The following SYNJ2BP variants were observed in gnomAD, a reference collection of about 807,000 sequenced individuals.
SYNJ2BP encodes synaptojanin-2-binding protein.
In SYNJ2BP, 10 loss-of-function variants were observed where a neutral mutation model predicts 16.9. The ratio of observed to expected loss-of-function variants is 0.59; its 90% confidence interval spans 0.36 to 1.00. SYNJ2BP has a LOEUF of 1.00. Among genes scored for constraint, SYNJ2BP ranks in the 50% least tolerant of loss-of-function variants. SYNJ2BP has a pLI of 0.01. For synonymous variants in SYNJ2BP, 54 were observed against 68.4 expected (o/e 0.79, Z 1.04); for missense variants, 162 against 186.7 (o/e 0.87, Z 0.77).
intron 1 of SYNJ2BP, among the ~76,000 whole-genome samples, chr14:70,398,597 G>A (rs1036930996): frequency 1.3e-5 from 2 of 152,196 alleles, no homozygotes; most frequent in African/African-American, 4.8e-5. Context: ...AGCAGGCACT[G>A]GGAGCAGGGA....
At chr14:70,402,505 T>G (rs906983881) in intron 1 of SYNJ2BP, among the ~76,000 whole-genome samples, 1 of 152,082 alleles carries the variant, frequency 6.6e-6, no homozygotes, top group Non-Finnish European at 1.5e-5. Context: ...TGCACTGCCC[T>G]GCAAATCTGC....
rs571539815 is a variant in SYNJ2BP, at chr14:70,371,565, C to A, written c.*1426G>T. 1.3e-5 allele frequency: 2 copies of A among 152,238 alleles called. No homozygotes were observed. Among genetic ancestry groups the A allele is most frequent in the Non-Finnish European group, 2.9e-5 (2 of 68,104 alleles). The allele number at this position is 152,238 out of a possible 1,614,324, so 9.4% of individuals were successfully genotyped here. The stretch of plus-strand genomic sequence containing the variant: ...TCCTGAGTAGCTGGAATTACAGGAA[C>A]GCGCCACCATGTCCAGGTAATTTTT... On this transcript the variant is annotated 3_prime_UTR_variant, in exon 4 of 4. Coordinates refer to ENST00000256366, the MANE Select transcript of SYNJ2BP (RefSeq NM_018373.3).
intron 1 of SYNJ2BP, among the ~76,000 whole-genome samples, chr14:70,398,800 C>T (rs1401304513): frequency 6.6e-6 from 1 of 152,138 alleles, no homozygotes; most frequent in Non-Finnish European, 1.5e-5. Flanking sequence ...GCTCCAGGTC[C>T]TCATTGGGCC....
chr14:70,407,706 C>T (rs1379228139), intron 1 of SYNJ2BP, among the ~76,000 whole-genome samples: 1 of 151,816 alleles, frequency 6.6e-6, no homozygotes, highest in African/African-American at 2.4e-5. Context: ...CCATAATCTA[C>T]CTTTCTAGCC....
chr14:70,399,823 G>A (rs1888196984), intron 1 of SYNJ2BP, among the ~76,000 whole-genome samples: 2 of 152,142 alleles, frequency 1.3e-5, no homozygotes, highest in Non-Finnish European at 2.9e-5. Flanking sequence ...TGTTGTTTTG[G>A]GGAAAACAGC....
chr14:70,404,367 T>C (rs976578002), intron 1 of SYNJ2BP, among the ~76,000 whole-genome samples: 2 of 152,184 alleles, frequency 1.3e-5, no homozygotes, highest in African/African-American at 2.4e-5. Flanking sequence ...TAAAAATGAA[T>C]AAATTAAATG....
At chr14:70,416,546 CAT>C (rs763574153) in intron 1 of SYNJ2BP, among the ~76,000 whole-genome samples, 11 of 152,152 alleles carry the variant, frequency 7.2e-5, no homozygotes, top group Non-Finnish European at 1.5e-4. Context: ...AACGGTCCCT[CAT>C]AGGGGGAGGG....
intron 1 of SYNJ2BP, among the ~76,000 whole-genome samples, chr14:70,405,450 T>C (rs1205694120): frequency 1.3e-5 from 2 of 152,094 alleles, no homozygotes; most frequent in East Asian, 1.9e-4. Flanking sequence ...ATAGAAGTTT[T>C]GTGGAACATG....
chr14:70,417,047 C>T lies in SYNJ2BP; in HGVS notation c.-84G>A, dbSNP rs1354669469. The T allele has an allele frequency of 6.9e-6, 11 of 1,605,400 alleles. No homozygotes were observed. The highest frequency in any genetic ancestry group is 9.4e-6 in the Non-Finnish European group (11 of 1,174,570). ...TGAATCAATCTCGGCGCTGCGCCCA[C>T]AGCACAGCGGTTTCGGTTTCAGCAG... On this transcript the variant is annotated 5_prime_UTR_variant, in exon 1 of 4. The change creates a new upstream start codon in the 5' untranslated region. Coordinates refer to ENST00000256366, the MANE Select transcript of SYNJ2BP (RefSeq NM_018373.3).
At chr14:70,373,958 C>A (rs10140938) in intron 3 of SYNJ2BP, among the ~76,000 whole-genome samples, 1 of 152,160 alleles carries the variant, frequency 6.6e-6, no homozygotes, top group Non-Finnish European at 1.5e-5. Context: ...ATCTGAAAGG[C>A]AAGACTGCAT....
At chr14:70,400,912 A>G (rs55957520) in intron 1 of SYNJ2BP, among the ~76,000 whole-genome samples, 4,798 of 152,320 alleles carry the variant, frequency 0.031, 105 homozygotes, top group Middle Eastern at 0.075. Context: ...CAAACTGTAA[A>G]GCAGGCAAGT....
intron 2 of SYNJ2BP, 150 bp downstream of exon 2, chr14:70,388,320 G>A (rs1887904572): frequency 8.0e-7 from 1 of 1,247,604 alleles, no homozygotes; most frequent in African/African-American, 1.5e-5. Context: ...GATAGGGTTG[G>A]AAAGAATGAC....
At chr14:70,386,485 C>T (rs1015796466) in intron 2 of SYNJ2BP, among the ~76,000 whole-genome samples, 1 of 152,164 alleles carries the variant, frequency 6.6e-6, no homozygotes, top group Admixed American at 6.5e-5. Context: ...CATTCTTGAG[C>T]TAATTTAGGT....
At chr14:70,373,170 G>T (rs775013253) in intron 3 of SYNJ2BP, 39 bp from the exon 4 acceptor site, 1 of 1,609,750 alleles carries the variant, frequency 6.2e-7, no homozygotes, top group South Asian at 1.1e-5. Context: ...AGTGACTAAT[G>T]TGTGTTTGCA....
intron 3 of SYNJ2BP, among the ~76,000 whole-genome samples, chr14:70,373,611 G>A (rs184027988): frequency 6.6e-6 from 1 of 152,274 alleles, no homozygotes; most frequent in Admixed American, 6.5e-5. Flanking sequence ...TACGTCCAAT[G>A]CCATTACTTG....
At chr14:70,399,829 ACAG>A (rs1331920243) in intron 1 of SYNJ2BP, among the ~76,000 whole-genome samples, 1 of 152,130 alleles carries the variant, frequency 6.6e-6, no homozygotes, top group Non-Finnish European at 1.5e-5. Flanking sequence ...TTTGGGGAAA[ACAG>A]CAGATTTCCT....
intron 1 of SYNJ2BP, among the ~76,000 whole-genome samples, chr14:70,403,047 C>T (rs1021611514): frequency 6.6e-6 from 1 of 152,098 alleles, no homozygotes; most frequent in African/African-American, 2.4e-5. Context: ...TTTGTTTCAG[C>T]AAATAATGGT....
At chr14:70,407,648 T>A (rs1469057030) in intron 1 of SYNJ2BP, among the ~76,000 whole-genome samples, 8 of 151,186 alleles carry the variant, frequency 5.3e-5, no homozygotes, top group Admixed American at 2.0e-4. Context: ...CAAGATAAAA[T>A]CAAAGTAAAA....
intron 1 of SYNJ2BP, among the ~76,000 whole-genome samples, chr14:70,396,640 G>T (rs1209071349): frequency 6.6e-6 from 1 of 150,920 alleles, no homozygotes; most frequent in African/African-American, 2.4e-5. Context: ...ATATGTATGT[G>T]TATATATATA....
Sources: allele counts gnomAD v4.1 joint callset (sites outside exome capture counted in the v4.1 genomes callset), GRCh38; gene constraint gnomAD v4.1.1; transcripts MANE v1.5; gene names NCBI Gene and HGNC (gene_info 2026-07-23, HGNC 2026-07-21).